Variants in SLC5A12 observed in about 807,000 individuals in gnomAD.
SLC5A12 encodes solute carrier family 5 member 12.
Under a neutral mutation model 72.7 loss-of-function variants are expected in SLC5A12, and 46 were observed. The ratio of observed to expected loss-of-function variants is 0.63; its 90% CI spans 0.50 to 0.81. The LOEUF (loss-of-function observed/expected upper bound fraction) is 0.81. SLC5A12 is among the 30% of genes least tolerant of loss of function. The pLI is 0.00. For synonymous variants in SLC5A12, 275 were observed against 264.4 expected (o/e 1.04, Z -0.39); for missense variants, 683 against 740.7 (o/e 0.92, Z 0.90).
intron 9 of SLC5A12, chr11:26,691,764 C>T (rs1854680867): frequency 6.6e-6 from 1 of 152,020 alleles, no homozygotes; most frequent in African/African-American, 2.4e-5. Context: ...AAAAAGTAAA[C>T]CTTGTGAAAC....
At chr11:26,719,033 TCTC>T (rs1216685463) in intron 1 of SLC5A12, among the ~76,000 whole-genome samples, 8 of 152,162 alleles carry the variant, frequency 5.3e-5, no homozygotes, top group African/African-American at 1.9e-4. Flanking sequence ...GAGAATCAAA[TCTC>T]CTCAGTTACA....
intron 6 of SLC5A12, among the ~76,000 whole-genome samples, chr11:26,703,068 G>A (rs1854997330): frequency 6.6e-6 from 1 of 151,918 alleles, no homozygotes. Flanking sequence ...CTTCTATTTG[G>A]TAACTGCCTA....
At position 26,667,675 on chromosome 11, in the gene SLC5A12, A is replaced by G. The variant is rs1174273882; in HGVS notation, c.*3427T>C. On this transcript the variant is annotated 3_prime_UTR_variant, in exon 15 of 15. Coordinates refer to ENST00000396005, the MANE Select transcript of SLC5A12 (RefSeq NM_178498.4). ...TAGTAATGAATTGCATCTTTTAGTA[A>G]TAAACTTGTTTATAACAGTAGTTTT... 6.6e-6 allele frequency: 1 copy of G among 151,958 alleles called. No homozygotes were observed. The highest frequency in any genetic ancestry group is 2.4e-5 in the African/African-American group (1 of 41,416). 9.4% of individuals were successfully genotyped at this position (151,958 alleles called of 1,614,324 possible).
chr11:26,689,021 A>G (rs1854601812), intron 9 of SLC5A12, among the ~76,000 whole-genome samples: 1 of 152,078 alleles, frequency 6.6e-6, no homozygotes, highest in African/African-American at 2.4e-5. Flanking sequence ...GCAATAAAAA[A>G]GAATAAACTA....
At chr11:26,700,672 T>C (rs1854938020) in intron 6 of SLC5A12, among the ~76,000 whole-genome samples, 3 of 152,170 alleles carry the variant, frequency 2.0e-5, no homozygotes, top group Non-Finnish European at 2.9e-5. Context: ...TCTACCCTCA[T>C]AGCACCATTT....
intron 1 of SLC5A12, chr11:26,716,223 C>G (rs1855347029): frequency 6.6e-6 from 1 of 152,026 alleles, no homozygotes; most frequent in South Asian, 2.1e-4. Context: ...TCCACTCAAC[C>G]CAGTAAAATT....
At chr11:26,712,437 C>A (rs1410705792) in intron 2 of SLC5A12, among the ~76,000 whole-genome samples, 1 of 152,074 alleles carries the variant, frequency 6.6e-6, no homozygotes, top group African/African-American at 2.4e-5. Context: ...TATACACACA[C>A]ACAAACGGCT....
At chr11:26,710,652 A>G (rs1421641216) in intron 3 of SLC5A12, among the ~76,000 whole-genome samples, 1 of 152,048 alleles carries the variant, frequency 6.6e-6, no homozygotes, top group African/African-American at 2.4e-5. Flanking sequence ...TTCTAAGATT[A>G]TATATCATAA....
chr11:26,693,988 C>T (rs1854746733), intron 8 of SLC5A12, among the ~76,000 whole-genome samples: 1 of 152,120 alleles, frequency 6.6e-6, no homozygotes, highest in Admixed American at 6.6e-5. Flanking sequence ...AAATCTTTGT[C>T]TCAATATACT....
chr11:26,703,696 A>C, intron 5 of SLC5A12, 25 bp from the exon 6 acceptor site: 1 of 1,613,692 alleles, frequency 6.2e-7, no homozygotes, highest in Non-Finnish European at 8.5e-7. Context: ...GAAATGAGTG[A>C]ACAAAGATAT....
At chr11:26,678,847 T>G in intron 12 of SLC5A12, 32 bp from the exon 13 acceptor site, 1 of 1,485,438 alleles carries the variant, frequency 6.7e-7, no homozygotes, top group Non-Finnish European at 9.3e-7. Context: ...ACCAATTCCA[T>G]GCATCCTAAA....
At chr11:26,697,311 G>T (rs952757071) in intron 7 of SLC5A12, 59 bp from the exon 8 acceptor site, 127 of 1,448,964 alleles carry the variant, frequency 8.8e-5, no homozygotes, top group Non-Finnish European at 1.1e-4. Flanking sequence ...GAAAAGAAAA[G>T]AGAAGAGAGA....
rs775861017 is a variant in SLC5A12, at chr11:26,681,080, T to C, written c.1450A>G (p.Thr484Ala). 8 of 1,609,242 alleles carry C rather than the reference T, an allele frequency of 5.0e-6. No homozygotes were observed. Among genetic ancestry groups the C allele is most frequent in the Admixed American group, 1.7e-5 (1 of 59,504 alleles). The change falls in exon 12 of 15, where the codon ACA becomes GCA. Residue 484 changes from threonine to alanine, a missense_variant. Coordinates refer to ENST00000396005, the MANE Select transcript of SLC5A12 (RefSeq NM_178498.4). ...DQCIKSNVTA[T>A]GPPVLSSRPG... ...CTGCTGGATAGTACTGGAGGCCCTGTTGCTGTCACATTTGATTTGATACAT... is the reference window on the plus strand; with the variant it reads ...CTGCTGGATAGTACTGGAGGCCCTGCTGCTGTCACATTTGATTTGATACAT...
chr11:26,715,635 A>G (rs1855334106), intron 1 of SLC5A12, among the ~76,000 whole-genome samples: 1 of 152,198 alleles, frequency 6.6e-6, no homozygotes. Flanking sequence ...ATCTGCTTCT[A>G]GTAGAATGCA....
chr11:26,690,083 C>T (rs1293979805), intron 9 of SLC5A12, among the ~76,000 whole-genome samples: 1 of 152,072 alleles, frequency 6.6e-6, no homozygotes, highest in Non-Finnish European at 1.5e-5. Context: ...AAAGTAGATG[C>T]TATTGCTAGG....
chr11:26,721,808 G>T lies in SLC5A12; in HGVS notation c.-94C>A. The T allele has an allele frequency of 1.9e-6, 2 of 1,062,944 alleles. No individual in the cohort carries two copies. Among genetic ancestry groups the T allele is most frequent in the Non-Finnish European group, 2.8e-6 (2 of 721,454 alleles). 65.8% of individuals were successfully genotyped at this position (1,062,944 alleles called of 1,614,324 possible). The stretch of plus-strand genomic sequence containing the variant: ...AGTTCAGTACAGTGGATGCTTTGCT[G>T]AGAGGAGAGACTGTGATTCCCTGAA... On this transcript the variant is annotated 5_prime_UTR_variant, in exon 1 of 15. Transcript: ENST00000396005.
At chr11:26,715,679 G>C (rs1021477679) in intron 1 of SLC5A12, among the ~76,000 whole-genome samples, 1 of 152,058 alleles carries the variant, frequency 6.6e-6, no homozygotes, top group African/African-American at 2.4e-5. Context: ...TAAATATATT[G>C]CAAGTACAAA....
At chr11:26,698,182 T>C (rs1003493198) in intron 7 of SLC5A12, among the ~76,000 whole-genome samples, 8 of 151,954 alleles carry the variant, frequency 5.3e-5, no homozygotes, top group Admixed American at 3.3e-4. Flanking sequence ...ACAGGTGTGA[T>C]CCACCGTGCC....
chr11:26,721,568 G>C lies in SLC5A12; in HGVS notation c.147C>G (p.Ser49Arg). The stretch of plus-strand genomic sequence containing the variant: ...TCAGAGACAAGCCGACAGGGCCAAA[G>C]CTCATTTGCCTTCCCCCAACCAGGA... ...REFLVGGRQMSFGPVGLSLTA... is the reference protein window; with the variant it reads ...REFLVGGRQMRFGPVGLSLTA... Residue 49 changes from serine to arginine, a missense_variant, in exon 1 of 15, where the codon AGC becomes AGG. By Grantham distance (110) the Ser-to-Arg change is moderately radical. Coordinates refer to ENST00000396005, the MANE Select transcript of SLC5A12 (RefSeq NM_178498.4). 3 of 1,614,154 alleles carry C rather than the reference G, an allele frequency of 1.9e-6. No individual in the cohort carries two copies. Among genetic ancestry groups the C allele is most frequent in the South Asian group, 2.2e-5 (2 of 91,084 alleles).
Sources: allele counts gnomAD v4.1 joint callset (sites outside exome capture counted in the v4.1 genomes callset), GRCh38; gene constraint gnomAD v4.1.1; transcripts MANE v1.5; gene names NCBI Gene and HGNC (gene_info 2026-07-23, HGNC 2026-07-21).